The following MAML3 variants were observed in gnomAD, a reference collection of about 807,000 sequenced individuals.
MAML3 encodes the protein mastermind like transcriptional coactivator 3.
A neutral mutation model predicts 101.9 loss-of-function variants in MAML3; 27 were observed. That is an observed-to-expected ratio of 0.27 (90% CI 0.20 to 0.37). The LOEUF is 0.37. Among genes scored for constraint, MAML3 ranks in the 10% least tolerant of loss-of-function variants. The probability of loss-of-function intolerance (pLI) is 1.00; values close to 1 mark genes in which losing one functional copy is unlikely to be tolerated. For synonymous variants in MAML3, 501 were observed against 555.9 expected (o/e 0.90, Z 1.39); for missense variants, 1,316 against 1,444.9 (o/e 0.91, Z 1.45).
At chr4:140,011,406 G>A (rs1726560809) in intron 1 of MAML3, among the ~76,000 whole-genome samples, 1 of 137,918 alleles carries the variant, frequency 7.3e-6, no homozygotes, top group African/African-American at 2.6e-5. Flanking sequence ...CTGCAGTGGC[G>A]CAATCTCGGC....
chr4:140,135,145 T>C (rs1728863034), intron 1 of MAML3, among the ~76,000 whole-genome samples: 1 of 152,190 alleles, frequency 6.6e-6, no homozygotes, highest in South Asian at 2.1e-4. Context: ...AATTAGACTT[T>C]TTATGCACAT....
chr4:140,136,028 A>G (rs981631731), intron 1 of MAML3, among the ~76,000 whole-genome samples: 3 of 152,196 alleles, frequency 2.0e-5, no homozygotes, highest in Non-Finnish European at 2.9e-5. Context: ...CAGGAAGAGG[A>G]GCAACTCCTG....
intron 1 of MAML3, among the ~76,000 whole-genome samples, chr4:140,124,074 C>G (rs1025198314): frequency 2.9e-4 from 44 of 152,210 alleles, no homozygotes; most frequent in African/African-American, 1.1e-3. Context: ...TAACCACTTA[C>G]TAGCTTTCTC....
chr4:140,119,610 C>CCTTCCTTCCTCA (rs1488575323), intron 1 of MAML3, among the ~76,000 whole-genome samples: 3 of 147,032 alleles, frequency 2.0e-5, no homozygotes, highest in African/African-American at 7.6e-5. Context: ...TCCCTCCCTC[C>CCTTCCTTCCTCA]CTTCCTTCCT....
In MAML3 at chr4:140,089,646, G is replaced by A. The variant is rs1255350641; in HGVS notation, c.468+63214C>T. Among the ~76,000 whole-genome samples the A allele has an allele frequency of 2.6e-5, 4 of 152,164 alleles. 1 individual carries two copies. Among genetic ancestry groups the A allele is most frequent in the South Asian group, 4.1e-4 (2 of 4,822 alleles). The stretch of plus-strand genomic sequence containing the variant: ...AATGCTAAGTGAAGAAGCCAGATTC[G>A]AAAGGCTACCTATTCTATGATGATA... On this transcript the variant is annotated intron_variant, in intron 1 of 4. Transcript: ENST00000509479.
rs1288788137 is a variant in MAML3, at chr4:139,890,235, G to A, written c.1201C>T (p.Pro401Ser). The stretch of plus-strand genomic sequence containing the variant: ...GAGCTTGCAGGGTTTGGAGCTGCGG[G>A]AGTGCTGGCAACAGAAGGTAAACTA... ...ATSLPSVAST[P>S]AAPNPASSPA... The change falls in exon 2 of 5, where the codon CCC becomes TCC. Residue 401 changes from proline to serine, a missense_variant. Pro to Ser is a moderately conservative substitution (Grantham distance 74, BLOSUM62 -1). Coordinates refer to ENST00000509479, the MANE Select transcript of MAML3 (RefSeq NM_018717.5). The surrounding 1 kb of genome is among the most constrained non-coding windows in gnomAD (Gnocchi z 4.1). 8.1e-6 allele frequency: 13 copies of A among 1,613,558 alleles called. No individual in the cohort carries two copies. Among genetic ancestry groups the A allele is most frequent in the African/African-American group, 1.3e-5 (1 of 74,942 alleles).
At chr4:140,108,068 G>A (rs901839817) in intron 1 of MAML3, among the ~76,000 whole-genome samples, 1 of 151,964 alleles carries the variant, frequency 6.6e-6, no homozygotes, top group Non-Finnish European at 1.5e-5. Context: ...AAGACATATT[G>A]GGCTTGTCCT....
intron 1 of MAML3, among the ~76,000 whole-genome samples, chr4:139,932,076 T>C (rs570825857): frequency 6.6e-6 from 1 of 152,302 alleles, no homozygotes; most frequent in African/African-American, 2.4e-5. Flanking sequence ...TTGAATAGTA[T>C]TTTTGCCTGC....
chr4:139,905,846 C>A (rs899704270), intron 1 of MAML3, among the ~76,000 whole-genome samples: 1 of 152,090 alleles, frequency 6.6e-6, no homozygotes, highest in African/African-American at 2.4e-5. Flanking sequence ...TACCCTAATG[C>A]CCTCATTTTA....
intron 1 of MAML3, among the ~76,000 whole-genome samples, chr4:139,978,861 G>A (rs535173766): frequency 3.9e-5 from 6 of 152,096 alleles, no homozygotes; most frequent in Non-Finnish European, 8.8e-5. Context: ...AAACGGATTT[G>A]CCACTTCTCC....
chr4:139,780,606 A>ATTTC (rs1479463704), intron 2 of MAML3, among the ~76,000 whole-genome samples: 1 of 143,454 alleles, frequency 7.0e-6, no homozygotes, highest in African/African-American at 2.6e-5. Context: ...TGGGTCGCCC[A>ATTTC]TTTCTTTCTT....
At chr4:139,764,718 A>G (rs1729818950) in intron 2 of MAML3, among the ~76,000 whole-genome samples, 1 of 152,234 alleles carries the variant, frequency 6.6e-6, no homozygotes, top group Admixed American at 6.5e-5. Context: ...TCTCCCGGTG[A>G]TAAGGGAGTG....
chr4:140,114,154 C>T (rs924798173), intron 1 of MAML3, among the ~76,000 whole-genome samples: 3 of 152,182 alleles, frequency 2.0e-5, no homozygotes, highest in African/African-American at 7.2e-5. Context: ...GAAATATGCC[C>T]CTTCCCTGCT....
chr4:139,959,299 C>A (rs1005376486), intron 1 of MAML3, among the ~76,000 whole-genome samples: 1 of 152,180 alleles, frequency 6.6e-6, no homozygotes, highest in Non-Finnish European at 1.5e-5. Context: ...GTTCAAGGAA[C>A]AGGCATGGAG....
At chr4:139,891,309 T>C (rs1732493223) in intron 1 of MAML3, among the ~76,000 whole-genome samples, 1 of 152,208 alleles carries the variant, frequency 6.6e-6, no homozygotes, top group Non-Finnish European at 1.5e-5. Context: ...GATGGAGTCT[T>C]GCTCTGTTGC....
chr4:140,073,840 AAG>A (rs2110957569), intron 1 of MAML3, among the ~76,000 whole-genome samples: 1 of 152,212 alleles, frequency 6.6e-6, no homozygotes, highest in Admixed American at 6.5e-5. Flanking sequence ...AGTAATCAGA[AAG>A]AGGACACGTG....
chr4:140,031,302 C>T (rs1474119170), intron 1 of MAML3, among the ~76,000 whole-genome samples: 1 of 152,144 alleles, frequency 6.6e-6, no homozygotes, highest in African/African-American at 2.4e-5. Context: ...GAACGTTGGA[C>T]CTTCGGCTCT....
chr4:139,860,505 T>G (rs1418259185), intron 2 of MAML3, among the ~76,000 whole-genome samples: 3 of 152,204 alleles, frequency 2.0e-5, no homozygotes, highest in African/African-American at 7.2e-5. Context: ...AGCCAACCTT[T>G]GTTTTCCCAC....
intron 2 of MAML3, among the ~76,000 whole-genome samples, chr4:139,827,742 C>G (rs1201102372): frequency 1.3e-5 from 2 of 152,150 alleles, no homozygotes; most frequent in Non-Finnish European, 2.9e-5. Flanking sequence ...TTATAAATGA[C>G]TTACTCTAAG....
Sources: gnomAD v4.1 joint callset for allele counts (sites outside exome capture counted in the v4.1 genomes callset) on GRCh38, gnomAD v4.1.1 for gene constraint, Gnocchi (gnomAD v3.1) non-coding constraint, MANE v1.5 for transcripts, NCBI Gene and HGNC (gene_info 2026-07-23, HGNC 2026-07-21) for gene names.